TAOK3: variants seen among roughly 807,000 people sequenced by gnomAD.
The protein encoded by TAOK3 is TAO kinase 3.
TAOK3 carries 40 observed loss-of-function variants against 120.4 expected under a neutral mutation model. The observed-to-expected ratio is 0.33, with a 90% CI of 0.26 to 0.43. The LOEUF (loss-of-function observed/expected upper bound fraction) is 0.43. Among genes scored for constraint, TAOK3 ranks in the 20% least tolerant of loss-of-function variants. The probability of loss-of-function intolerance (pLI) is 1.00; values close to 1 mark genes in which losing one functional copy is unlikely to be tolerated. For synonymous variants in TAOK3, 355 were observed against 387.5 expected (o/e 0.92, Z 0.99); for missense variants, 821 against 1,112.1 (o/e 0.74, Z 3.72).
intron 14 of TAOK3, 151 bp downstream of exon 14, chr12:118,189,656 C>A: frequency 2.2e-6 from 2 of 916,974 alleles, no homozygotes; most frequent in Non-Finnish European, 3.1e-6. Flanking sequence ...AGATTTTTTT[C>A]CTAAAATGAA....
At chr12:118,301,444 G>C (rs1318955707) in intron 1 of TAOK3, among the ~76,000 whole-genome samples, 2 of 152,128 alleles carry the variant, frequency 1.3e-5, no homozygotes, top group Non-Finnish European at 2.9e-5. Context: ...GTATTTTGTA[G>C]CTACCTTCCT....
chr12:118,328,490 T>G (rs1229337739), intron 1 of TAOK3, among the ~76,000 whole-genome samples: 1 of 152,192 alleles, frequency 6.6e-6, no homozygotes, highest in Non-Finnish European at 1.5e-5. Flanking sequence ...TACATTTAAT[T>G]AATTTAATCC....
chr12:118,321,610 C>T (rs1002474069), intron 1 of TAOK3, among the ~76,000 whole-genome samples: 1 of 152,110 alleles, frequency 6.6e-6, no homozygotes, highest in African/African-American at 2.4e-5. Flanking sequence ...TTGCCTTCGA[C>T]TCATAATTAA....
intron 1 of TAOK3, among the ~76,000 whole-genome samples, chr12:118,324,232 T>C (rs2043836517): frequency 2.0e-5 from 3 of 152,166 alleles, no homozygotes; most frequent in Non-Finnish European, 2.9e-5. Flanking sequence ...TTTAAAGTGA[T>C]TGCCTCTGAG....
At chr12:118,205,213 CA>C (rs2038233249) in intron 11 of TAOK3, among the ~76,000 whole-genome samples, 1 of 145,494 alleles carries the variant, frequency 6.9e-6, no homozygotes, top group Non-Finnish European at 1.5e-5. Flanking sequence ...TAAAAAATAC[CA>C]AAATTAGCCA....
At chr12:118,339,275 CTTTTTTTTTT>C (rs72009582) in intron 1 of TAOK3, among the ~76,000 whole-genome samples, 13,558 of 87,112 alleles carry the variant, frequency 0.16, 915 homozygotes, top group Middle Eastern at 0.26. Context: ...CTTCATCATA[CTTTTTTTTTT>C]TTTTTTTTTT....
At chr12:118,350,195 C>A (rs938098065) in intron 1 of TAOK3, among the ~76,000 whole-genome samples, 2 of 152,080 alleles carry the variant, frequency 1.3e-5, no homozygotes, top group Non-Finnish European at 1.5e-5. Flanking sequence ...CATCTTGGGG[C>A]CACGTAGCAC....
At chr12:118,272,329 G>C (rs2041741751) in intron 1 of TAOK3, among the ~76,000 whole-genome samples, 1 of 145,846 alleles carries the variant, frequency 6.9e-6, no homozygotes, top group South Asian at 2.2e-4. Context: ...AAGAAAGAAA[G>C]AACACTTGAT....
At chr12:118,184,624 AC>A (rs2036961581) in intron 14 of TAOK3, among the ~76,000 whole-genome samples, 1 of 152,202 alleles carries the variant, frequency 6.6e-6, no homozygotes, top group African/African-American at 2.4e-5. Context: ...GGGAATCAAC[AC>A]CCAAAAAAGT....
At position 118,160,471 on chromosome 12, in the gene TAOK3, A is replaced by G. The variant is rs2035142632; in HGVS notation, c.2140-113T>C. 1 of 805,222 alleles carries G rather than the reference A, an allele frequency of 1.2e-6. No homozygotes were observed. The highest frequency in any genetic ancestry group is 2.4e-5 in the Admixed American group (1 of 41,272). The allele number at this position is 805,222 out of a possible 1,614,324, so 49.9% of individuals were successfully genotyped here. A position where few individuals can be genotyped will look rare whatever the true frequency, so the allele number is the denominator to read the frequency against. ...AGAGCGTCTGTTTTTTGGTGCAGTG[A>G]CTCACATTGCTAATCAATAAAAATC... On this transcript the variant is annotated intron_variant, in intron 18 of 20. Coordinates refer to ENST00000392533, the MANE Select transcript of TAOK3 (RefSeq NM_016281.4). This position sits in a 1 kb window ranked among gnomAD's most constrained non-coding sequence, Gnocchi z 4.2.
At chr12:118,306,167 C>T (rs1187556936) in intron 1 of TAOK3, among the ~76,000 whole-genome samples, 1 of 152,018 alleles carries the variant, frequency 6.6e-6, no homozygotes, top group East Asian at 1.9e-4. Context: ...GTTTGGGGCA[C>T]ACATACAAGT....
At chr12:118,309,160 C>A (rs1449114656) in intron 1 of TAOK3, among the ~76,000 whole-genome samples, 2 of 151,702 alleles carry the variant, frequency 1.3e-5, no homozygotes, top group Non-Finnish European at 2.9e-5. Context: ...GAAACCCCAT[C>A]TCTACTACAA....
intron 9 of TAOK3, among the ~76,000 whole-genome samples, chr12:118,218,384 G>T (rs1025348374): frequency 6.6e-6 from 1 of 152,036 alleles, no homozygotes; most frequent in Admixed American, 6.6e-5. Flanking sequence ...ACTGGTTCCC[G>T]TTCCCCCCTG....
intron 16 of TAOK3, among the ~76,000 whole-genome samples, chr12:118,175,443 T>C (rs1385555378): frequency 6.6e-6 from 1 of 152,036 alleles, no homozygotes; most frequent in Non-Finnish European, 1.5e-5. Context: ...CTGGCTAACA[T>C]GGTGAAACTC....
chr12:118,216,790 G>A (rs1017912746), intron 9 of TAOK3, among the ~76,000 whole-genome samples: 4 of 152,078 alleles, frequency 2.6e-5, no homozygotes, highest in East Asian at 1.9e-4. Context: ...TTAGCCAGGC[G>A]TGGTGGCGGG....
chr12:118,317,248 G>A (rs2043503019), intron 1 of TAOK3, among the ~76,000 whole-genome samples: 2 of 118,018 alleles, frequency 1.7e-5, no homozygotes, highest in South Asian at 3.1e-4. Context: ...CCTGGGCAAC[G>A]AAGTGAAAGT....
At chr12:118,207,956 C>G (rs2038422396) in intron 11 of TAOK3, among the ~76,000 whole-genome samples, 1 of 151,548 alleles carries the variant, frequency 6.6e-6, no homozygotes, top group African/African-American at 2.4e-5. Flanking sequence ...AAAGAGTTAT[C>G]TGTTCCTAAC....
chr12:118,262,726 C>T (rs563056312), intron 2 of TAOK3, among the ~76,000 whole-genome samples: 17 of 148,998 alleles, frequency 1.1e-4, no homozygotes, highest in African/African-American at 3.7e-4. Context: ...ACTTGGGAGG[C>T]TGAGGCAGGA....
intron 1 of TAOK3, chr12:118,359,537 A>G (rs1286932570): frequency 6.6e-6 from 1 of 152,258 alleles, no homozygotes; most frequent in African/African-American, 2.4e-5. Context: ...TTGATAATGA[A>G]GAAAAGGCAA....
Sources: gnomAD v4.1 joint callset for allele counts (sites outside exome capture counted in the v4.1 genomes callset) on GRCh38, gnomAD v4.1.1 for gene constraint, Gnocchi (gnomAD v3.1) non-coding constraint, MANE v1.5 for transcripts, NCBI Gene and HGNC (gene_info 2026-07-23, HGNC 2026-07-21) for gene names.